Variants in PVR observed in about 807,000 individuals in gnomAD.
PVR encodes poliovirus receptor.
In PVR, 39 loss-of-function variants were observed where a neutral mutation model predicts 43.3. That is an observed-to-expected ratio of 0.90 (90% CI 0.70 to 1.18). PVR has a LOEUF of 1.18. PVR is among the 50% of genes most tolerant of loss of function. The pLI, the probability that PVR is intolerant of heterozygous loss-of-function variation, is 0.00. For missense variants in PVR, 480 were observed against 549.7 expected (o/e 0.87, Z 1.27); for synonymous variants, 224 against 233.2 (o/e 0.96, Z 0.36).
intron 1 of PVR, among the ~76,000 whole-genome samples, chr19:44,645,462 A>ATG (rs1241549797): frequency 2.0e-4 from 18 of 89,862 alleles, no homozygotes; most frequent in African/African-American, 4.2e-4. Context: ...GTGTGCGTGT[A>ATG]TGTGTGTGTG....
intron 6 of PVR, among the ~76,000 whole-genome samples, chr19:44,660,942 C>T (rs1410599056): frequency 2.0e-5 from 3 of 152,076 alleles, no homozygotes; most frequent in Non-Finnish European, 4.4e-5. Context: ...TAAATAAACC[C>T]CTGTTGAATA....
rs1288028208 is a variant in PVR, at chr19:44,644,148, G to A, written c.52G>A (p.Val18Met). The A allele has an allele frequency of 1.1e-5, 16 of 1,518,340 alleles. No individual in the cohort carries two copies. The highest frequency in any genetic ancestry group is 1.4e-5 in the Non-Finnish European group (16 of 1,138,380). The allele number at this position is 1,518,340 out of a possible 1,614,324, so 94.1% of individuals were successfully genotyped here. The change falls in exon 1 of 8, where the codon GTG becomes ATG. Residue 18 changes from valine to methionine, a missense_variant. Coordinates refer to ENST00000425690, the MANE Select transcript of PVR (RefSeq NM_006505.5). ...AWPLLLVALLVLSWPPPGTGD... is the reference protein window; with the variant it reads ...AWPLLLVALLMLSWPPPGTGD... Reference sequence around the variant, plus strand: ...GCCGCTGCTGCTGGTGGCGCTACTGGTGCTGTCCTGGCCACCCCCAGGAAC... The same window carrying A: ...GCCGCTGCTGCTGGTGGCGCTACTGATGCTGTCCTGGCCACCCCCAGGAAC...
At chr19:44,658,525 C>T (rs376931601) in intron 5 of PVR, among the ~76,000 whole-genome samples, 292 of 152,322 alleles carry the variant, frequency 1.9e-3, no homozygotes, top group South Asian at 0.013. Context: ...ACCTATGAAC[C>T]AATCATAGCA....
chr19:44,659,158 A>C, intron 6 of PVR: 1 of 424,104 alleles, frequency 2.4e-6, no homozygotes, highest in Non-Finnish European at 4.2e-6. Context: ...GTGATGTGGG[A>C]GTCCCTGCCA....
chr19:44,665,754 C>T lies in PVR; in HGVS notation c.*3943C>T, dbSNP rs1973700741. The T allele has an allele frequency of 6.6e-6, 1 of 152,426 alleles. No individual in the cohort carries two copies. The highest frequency in any genetic ancestry group is 2.4e-5 in the African/African-American group (1 of 41,440). The allele number at this position is 152,426 out of a possible 1,614,324, so 9.4% of individuals were successfully genotyped here. The stretch of plus-strand genomic sequence containing the variant: ...CTTTCCTCCACATATTGGCATCACC[C>T]TCTGGTGCCAAGATGGCTGCTGCAT... On this transcript the variant is annotated 3_prime_UTR_variant, in exon 8 of 8. Transcript: ENST00000425690.
At chr19:44,645,622 A>T (rs904840129) in intron 1 of PVR, among the ~76,000 whole-genome samples, 2 of 149,552 alleles carry the variant, frequency 1.3e-5, no homozygotes, top group African/African-American at 4.9e-5. Context: ...CACCTGGCTA[A>T]TTTTTTTTGT....
chr19:44,644,105 A>T lies in PVR; in HGVS notation c.9A>T (p.Arg3=). 6.6e-7 allele frequency: 1 copy of T among 1,517,714 alleles called. No homozygotes were observed. 94.0% of individuals were successfully genotyped at this position (1,517,714 alleles called of 1,614,324 possible). MA[R]AMAAAWPLLL... ...TGCTCGGAGCAACTGGCATGGCCCG[A>T]GCCATGGCCGCCGCGTGGCCGCTGC... The change falls in exon 1 of 8, where the codon CGA becomes CGT. Residue 3 remains arginine, a synonymous_variant. Coordinates refer to ENST00000425690, the MANE Select transcript of PVR (RefSeq NM_006505.5).
rs2123776661 is a variant in PVR, at chr19:44,664,367, C to T, written c.*2556C>T. The stretch of plus-strand genomic sequence containing the variant: ...GGGACTATAGGTGGGCGCCACCCCA[C>T]CTGGCTAAATCTCTTTTTAACTTTT... On this transcript the variant is annotated 3_prime_UTR_variant, in exon 8 of 8. Transcript: ENST00000425690. 6.6e-6 allele frequency: 1 copy of T among 152,230 alleles called. No individual in the cohort carries two copies. Among genetic ancestry groups the T allele is most frequent in the African/African-American group, 2.4e-5 (1 of 41,534 alleles). The allele number at this position is 152,230 out of a possible 1,614,324, so 9.4% of individuals were successfully genotyped here.
chr19:44,650,674 T>C (rs1385924605), intron 3 of PVR, among the ~76,000 whole-genome samples: 1 of 149,960 alleles, frequency 6.7e-6, no homozygotes, highest in African/African-American at 2.4e-5. Context: ...GTGGTTCTCC[T>C]ACCTCAGCCT....
chr19:44,665,466 C>T lies in PVR; in HGVS notation c.*3655C>T, dbSNP rs1002845404. Reference sequence around the variant, plus strand: ...GTTCAAGACCAGACCATAGTGAAACCGTGTCTCTACAAAAAAAATTAGCCA... The same window carrying T: ...GTTCAAGACCAGACCATAGTGAAACTGTGTCTCTACAAAAAAAATTAGCCA... On this transcript the variant is annotated 3_prime_UTR_variant, in exon 8 of 8. Transcript: ENST00000425690. 1 of 151,844 alleles carries T rather than the reference C, an allele frequency of 6.6e-6. No homozygotes were observed. The highest frequency in any genetic ancestry group is 2.4e-5 in the African/African-American group (1 of 41,274). The allele number at this position is 151,844 out of a possible 1,614,324, so 9.4% of individuals were successfully genotyped here. A position where few individuals can be genotyped will look rare whatever the true frequency, so the allele number is the denominator to read the frequency against.
At chr19:44,653,431 C>T (rs536682132) in intron 3 of PVR, among the ~76,000 whole-genome samples, 2 of 152,268 alleles carry the variant, frequency 1.3e-5, no homozygotes, top group South Asian at 4.1e-4. Flanking sequence ...CCGAATAAAA[C>T]CCTGTCCCAT....
intron 1 of PVR, 46 bp downstream of exon 1, chr19:44,644,221 C>T (rs1304239523): frequency 7.1e-7 from 1 of 1,413,382 alleles, no homozygotes; most frequent in Non-Finnish European, 9.3e-7. Context: ...TGGCTCCCAG[C>T]TCCGCATCCA....
chr19:44,647,679 CA>C (rs940613043), intron 2 of PVR, 109 bp downstream of exon 2: 11 of 779,846 alleles, frequency 1.4e-5, no homozygotes, highest in African/African-American at 1.3e-4. Context: ...ATTCCCTCCA[CA>C]GCAGATCCCC....
intron 1 of PVR, among the ~76,000 whole-genome samples, chr19:44,646,531 G>A (rs900043190): frequency 2.0e-5 from 3 of 152,282 alleles, no homozygotes; most frequent in East Asian, 3.9e-4. Flanking sequence ...TTGGGAGGCC[G>A]TAGTGGGAGG....
chr19:44,647,103 CA>C, intron 1 of PVR, 119 bp from the exon 2 acceptor site: 4 of 633,964 alleles, frequency 6.3e-6, no homozygotes, highest in South Asian at 2.0e-5. Flanking sequence ...CCCCACGGTC[CA>C]CCGGGGATCC....
chr19:44,650,211 A>T (rs944928507), intron 3 of PVR, 106 bp downstream of exon 3: 31 of 1,140,108 alleles, frequency 2.7e-5, no homozygotes, highest in Non-Finnish European at 3.6e-5. Flanking sequence ...CATCATCTGC[A>T]CCGGCTCCCC....
chr19:44,649,711 C>A, intron 2 of PVR, 98 bp from the exon 3 acceptor site: 1 of 1,347,976 alleles, frequency 7.4e-7, no homozygotes, highest in Non-Finnish European at 1.0e-6. Context: ...GTGAGCCACC[C>A]CGCCCAGCAA....
chr19:44,651,114 C>T (rs1458926497), intron 3 of PVR, among the ~76,000 whole-genome samples: 1 of 152,166 alleles, frequency 6.6e-6, no homozygotes, highest in Non-Finnish European at 1.5e-5. Flanking sequence ...GTGATCCTCC[C>T]GCCTCAGTCT....
chr19:44,663,810 A>C lies in PVR; in HGVS notation c.*1999A>C, dbSNP rs1295480632. 6.6e-6 allele frequency among the ~76,000 whole-genome samples: 1 copy of C among 151,980 alleles called. No homozygotes were observed. Among genetic ancestry groups the C allele is most frequent in the Non-Finnish European group, 1.5e-5 (1 of 67,976 alleles). On this transcript the variant is annotated 3_prime_UTR_variant, in exon 8 of 8. Transcript: ENST00000425690. ...TCTCCTGTCACCCAGGCTGGAGTGC[A>C]ATGGCACGATCATAGCTCATTGCAG... is the stretch of plus-strand genomic sequence containing the variant.
Sources: gnomAD v4.1 joint callset for allele counts (sites outside exome capture counted in the v4.1 genomes callset) on GRCh38, gnomAD v4.1.1 for gene constraint, MANE v1.5 for transcripts, NCBI Gene and HGNC (gene_info 2026-07-23, HGNC 2026-07-21) for gene names.